The following XPO7 variants were observed in gnomAD, a reference collection of about 807,000 sequenced individuals.
The protein encoded by XPO7 is exportin-7.
A neutral mutation model predicts 144.3 loss-of-function variants in XPO7; 21 were observed. The observed-to-expected ratio is 0.15, with a 90% CI of 0.10 to 0.21. The LOEUF is 0.21. XPO7 is among the 10% of genes least tolerant of loss of function. The pLI is 1.00. For synonymous variants in XPO7, 580 were observed against 499.6 expected, an observed-to-expected ratio of 1.16 and a Z score of -2.15; for missense variants, 808 against 1,325.8, an observed-to-expected ratio of 0.61 and a Z score of 6.06.
At chr8:21,996,851 A>C (rs1449784694) in intron 21 of XPO7, among the ~76,000 whole-genome samples, 4 of 152,070 alleles carry the variant, frequency 2.6e-5, no homozygotes, top group Admixed American at 2.6e-4. Context: ...TCTTGTCGCC[A>C]GGCTGAAGTA....
At chr8:21,993,912 C>T (rs1034780165) in intron 19 of XPO7, among the ~76,000 whole-genome samples, 17 of 141,262 alleles carry the variant, frequency 1.2e-4, no homozygotes, top group African/African-American at 4.6e-4. Flanking sequence ...GTTTCTTTGC[C>T]GTGTCTCTCT....
intron 11 of XPO7, among the ~76,000 whole-genome samples, 170 bp downstream of exon 11, chr8:21,982,982 A>C (rs2117362102): frequency 6.6e-6 from 1 of 152,334 alleles, no homozygotes. Flanking sequence ...ATAAAGCCTG[A>C]TAGAATAGTC....
rs74789154 is a variant in XPO7 at position 21,982,100 on chromosome 8, C to A, written c.1104+223C>A. 2.0e-4 allele frequency among the ~76,000 whole-genome samples: 30 copies of A among 152,266 alleles called. No homozygotes were observed. The East Asian group carries it at 5.6e-3, about 28-fold the overall frequency. ...GAATTACTAGGATAATATTTAGATTCATCCCAGAGAGAATTAGCTCATAGT... is the reference window on the plus strand; with the variant it reads ...GAATTACTAGGATAATATTTAGATTAATCCCAGAGAGAATTAGCTCATAGT... On this transcript the variant is annotated intron_variant, in intron 10 of 27. Coordinates refer to ENST00000252512, the MANE Select transcript of XPO7 (RefSeq NM_015024.5).
In XPO7 at chr8:21,977,979, T is replaced by A. The variant is rs1585461149; in HGVS notation, c.837+136T>A. On this transcript the variant is annotated intron_variant, in intron 8 of 27. Coordinates refer to ENST00000252512, the MANE Select transcript of XPO7 (RefSeq NM_015024.5). The stretch of plus-strand genomic sequence containing the variant: ...ATACTAGGCTAGTTATCTAGTCTTT[T>A]GAGATTAAGCTTGTAGCCTAAAGGT... 8.0e-6 allele frequency: 6 copies of A among 746,582 alleles called. No homozygotes were observed. In the East Asian group the frequency reaches 1.7e-4, roughly 21 times the overall value. The allele number at this position is 746,582 out of a possible 1,614,324, so 46.2% of individuals were successfully genotyped here. A position where few individuals can be genotyped will look rare whatever the true frequency, so the allele number is the denominator to read the frequency against.
intron 18 of XPO7, 23 bp from the exon 19 acceptor site, chr8:21,991,845 A>C: frequency 1.9e-6 from 3 of 1,590,072 alleles, no homozygotes; most frequent in Non-Finnish European, 2.6e-6. Context: ...TTGGGGTTAC[A>C]CCCTGGGATG....
intron 21 of XPO7, 67 bp from the exon 22 acceptor site, chr8:21,998,688 G>A (rs1042227138): frequency 2.2e-6 from 3 of 1,376,212 alleles, no homozygotes; most frequent in Non-Finnish European, 3.1e-6. Context: ...TCAGATGAGA[G>A]CCTCAAGTAC....
At chr8:21,981,106 C>G (rs1812395282) in intron 9 of XPO7, among the ~76,000 whole-genome samples, 1 of 152,024 alleles carries the variant, frequency 6.6e-6, no homozygotes, top group African/African-American at 2.4e-5. Flanking sequence ...CACGGGTGAA[C>G]AAAACAAAGT....
Position 22,006,049 on chromosome 8 carries a change from A to G in XPO7, c.*961A>G, listed in dbSNP as rs1218554752. On this transcript the variant is annotated 3_prime_UTR_variant, in exon 28 of 28. Transcript: ENST00000252512. The stretch of plus-strand genomic sequence containing the variant: ...AGGCCCTGCTGTGTGTGGCCAATAA[A>G]TTTTAGTCTTCCCCAGCCCTCGAGG... 1 of 152,176 alleles carries G rather than the reference A, an allele frequency of 6.6e-6. No homozygotes were observed. Among genetic ancestry groups the G allele is most frequent in the Non-Finnish European group, 1.5e-5 (1 of 68,042 alleles). 9.4% of individuals were successfully genotyped at this position (152,176 alleles called of 1,614,324 possible).
At chr8:21,967,038 G>C in intron 2 of XPO7, 35 bp downstream of exon 2, 2 of 1,593,396 alleles carry the variant, frequency 1.3e-6, no homozygotes, top group Non-Finnish European at 1.7e-6. Flanking sequence ...AGGATAACAG[G>C]CGCTTCGGAA....
At chr8:21,922,178 C>T (rs1222520593) in intron 1 of XPO7, among the ~76,000 whole-genome samples, 1 of 152,042 alleles carries the variant, frequency 6.6e-6, no homozygotes, top group Admixed American at 6.6e-5. Flanking sequence ...CTTTTCTGAA[C>T]CACCAGGGTG....
chr8:22,001,015 TA>T (rs1426180921), intron 24 of XPO7, among the ~76,000 whole-genome samples: 1 of 152,188 alleles, frequency 6.6e-6, no homozygotes, highest in East Asian at 1.9e-4. Context: ...AAGACTTTTT[TA>T]TGTCTTATTG....
intron 1 of XPO7, among the ~76,000 whole-genome samples, chr8:21,965,633 T>C (rs1476927151): frequency 4.6e-5 from 7 of 152,224 alleles, no homozygotes; most frequent in African/African-American, 1.7e-4. Flanking sequence ...GGCGTCAGTA[T>C]TCATCGTTCT....
chr8:21,954,296 C>T (rs993329870), intron 1 of XPO7, among the ~76,000 whole-genome samples: 3 of 152,056 alleles, frequency 2.0e-5, no homozygotes, highest in Admixed American at 6.6e-5. Context: ...CCCAATAATC[C>T]GGTTTGAATG....
intron 1 of XPO7, among the ~76,000 whole-genome samples, chr8:21,944,755 G>GCCTTCCGCATTGTTTGTGTCTC (rs1181979024): frequency 2.6e-5 from 4 of 152,012 alleles, no homozygotes; most frequent in Middle Eastern, 3.2e-3. Context: ...GCCGCCTTCC[G>GCCTTCCGCATTGTTTGTGTCTC]CCTTCCGCAT....
intron 1 of XPO7, among the ~76,000 whole-genome samples, chr8:21,949,620 C>G (rs536293008): frequency 1.3e-5 from 2 of 152,172 alleles, no homozygotes; most frequent in Admixed American, 1.3e-4. Context: ...TTAAAGGCCA[C>G]GTGGTTCATG....
chr8:21,923,032 G>A (rs1297741738), intron 1 of XPO7, among the ~76,000 whole-genome samples: 1 of 152,132 alleles, frequency 6.6e-6, no homozygotes, highest in Admixed American at 6.5e-5. Flanking sequence ...AAAAGTGATG[G>A]TTGTTTTTTC....
intron 27 of XPO7, 75 bp from the exon 28 acceptor site, chr8:22,004,918 TTA>T: frequency 4.1e-5 from 31 of 758,460 alleles, no homozygotes; most frequent in East Asian, 6.3e-5. Context: ...TTCCCATGCT[TTA>T]AAAAAAAAAA....
intron 5 of XPO7, 116 bp downstream of exon 5, chr8:21,972,057 A>G (rs1386830523): frequency 1.6e-5 from 14 of 900,476 alleles, no homozygotes; most frequent in Non-Finnish European, 2.5e-5. Flanking sequence ...GCGGTAAGTG[A>G]TTAATGCCCT....
intron 1 of XPO7, among the ~76,000 whole-genome samples, chr8:21,937,441 G>C (rs917127807): frequency 2.0e-5 from 3 of 152,190 alleles, no homozygotes; most frequent in Non-Finnish European, 2.9e-5. Flanking sequence ...TTTGCTGGCA[G>C]ACTCCACAGG....
Sources: allele counts gnomAD v4.1 joint callset (sites outside exome capture counted in the v4.1 genomes callset), GRCh38; gene constraint gnomAD v4.1.1; transcripts MANE v1.5; gene names NCBI Gene and HGNC (gene_info 2026-07-23, HGNC 2026-07-21).